ATP10D: variants seen among roughly 807,000 people sequenced by gnomAD.
The protein encoded by ATP10D is ATPase phospholipid transporting 10D (putative).
In ATP10D, 89 loss-of-function variants were observed where a neutral mutation model predicts 144.8. The ratio of observed to expected loss-of-function variants is 0.61; its 90% CI spans 0.52 to 0.73. ATP10D has a LOEUF of 0.73. Ranked by LOEUF, ATP10D falls within the 30% of genes least tolerant of loss-of-function variation. The probability of loss-of-function intolerance (pLI) is 0.00; values close to 1 mark genes in which losing one functional copy is unlikely to be tolerated. For missense variants in ATP10D, 1,603 were observed against 1,714.8 expected (o/e 0.93, Z 1.15); for synonymous variants, 571 against 615.1 (o/e 0.93, Z 1.06).
chr4:47,581,434 T>A (rs1720509410), intron 20 of ATP10D, among the ~76,000 whole-genome samples: 1 of 152,200 alleles, frequency 6.6e-6, no homozygotes, highest in Admixed American at 6.5e-5. Flanking sequence ...TCAAATAAAA[T>A]CATTTGAATT....
intron 18 of ATP10D, among the ~76,000 whole-genome samples, chr4:47,575,924 C>CTT (rs564960460): frequency 0.034 from 2,806 of 82,164 alleles, 81 homozygotes; most frequent in African/African-American, 0.085. Context: ...ACTGGGGTCC[C>CTT]TTTTTTTTTT....
At chr4:47,539,300 G>A (rs1451604362) in intron 9 of ATP10D, among the ~76,000 whole-genome samples, 1 of 152,102 alleles carries the variant, frequency 6.6e-6, no homozygotes, top group Non-Finnish European at 1.5e-5. Flanking sequence ...GTGAGTGTAA[G>A]GGGTAAAATG....
chr4:47,590,212 T>A (rs1263890127), intron 22 of ATP10D, among the ~76,000 whole-genome samples: 1 of 152,144 alleles, frequency 6.6e-6, no homozygotes, highest in African/African-American at 2.4e-5. Context: ...AGGAGGTTTC[T>A]AAGCAAAGTG....
In ATP10D at chr4:47,535,504, T is replaced by C. The variant is rs201379176; in HGVS notation, c.777-5T>C. ...AAGTGAATTTATATGCTGTCTTTCT[T>C]ATAGAGAACATTCCAACAAAGAACG... On this transcript the variant is annotated splice_region_variant and splice_polypyrimidine_tract_variant and intron_variant, in intron 5 of 22. Coordinates refer to ENST00000273859, the MANE Select transcript of ATP10D (RefSeq NM_020453.4). The C allele has an allele frequency of 3.9e-5, 62 of 1,605,384 alleles. No individual in the cohort carries two copies. In the East Asian group the frequency reaches 1.3e-3, roughly 33 times the overall value.
At position 47,561,009 on chromosome 4, in the gene ATP10D, A is replaced by G. The variant is rs750571239; in HGVS notation, c.2602A>G (p.Ile868Val). 3 of 1,614,146 alleles carry G rather than the reference A, an allele frequency of 1.9e-6. No homozygotes were observed. In the South Asian group the frequency reaches 3.3e-5, roughly 18 times the overall value. The change falls in exon 14 of 23, where the codon ATT becomes GTT. Residue 868 changes from isoleucine (I) to valine (V), a missense_variant. By Grantham distance (29) the Ile-to-Val change is conservative. Transcript: ENST00000273859. ...GAATCATTTTTTAGCTGAAACCAGC[A>G]TTGACAACAGGGAAGAATTACTACT... ...LRNHFLAETS[I>V]DNREELLLES...
chr4:47,502,469 C>CACA (rs1715748904), intron 1 of ATP10D, among the ~76,000 whole-genome samples: 1 of 129,238 alleles, frequency 7.7e-6, no homozygotes, highest in South Asian at 2.4e-4. Context: ...GACTACGTCT[C>CACA]ATAAAAAAAA....
chr4:47,557,977 C>T lies in ATP10D; in HGVS notation c.2138C>T (p.Pro713Leu). Residue 713 changes from proline to leucine, a missense_variant, in exon 12 of 23, where the codon CCT becomes CTT. Coordinates refer to ENST00000273859, the MANE Select transcript of ATP10D (RefSeq NM_020453.4). ...GLLNGKAESL[P>L]GQPLACNLCY... is the part of the protein sequence containing the mutation. ...CTGAATGGCAAGGCAGAGTCCCTCC[C>T]TGGACAGCCATTGGCCTGCAACCTG... is the stretch of plus-strand genomic sequence containing the variant. The T allele has an allele frequency of 1.2e-6, 2 of 1,614,134 alleles. No individual in the cohort carries two copies. Among genetic ancestry groups the T allele is most frequent in the Non-Finnish European group, 1.7e-6 (2 of 1,179,972 alleles).
intron 5 of ATP10D, among the ~76,000 whole-genome samples, chr4:47,528,899 G>A (rs1283968178): frequency 1.3e-5 from 2 of 152,048 alleles, no homozygotes; most frequent in Admixed American, 6.5e-5. Flanking sequence ...GCATTTCTCT[G>A]ATGACTCGTG....
At chr4:47,563,160 G>A (rs1022219268) in intron 14 of ATP10D, among the ~76,000 whole-genome samples, 1 of 152,064 alleles carries the variant, frequency 6.6e-6, no homozygotes, top group Non-Finnish European at 1.5e-5. Context: ...TGAGAGCCCA[G>A]ATTTCACCCC....
At chr4:47,522,980 C>A in intron 3 of ATP10D, 32 bp from the exon 4 acceptor site, 3 of 1,380,664 alleles carry the variant, frequency 2.2e-6, no homozygotes, top group South Asian at 1.4e-5. Flanking sequence ...ACTTGATATT[C>A]TTTTTTTTTT....
At chr4:47,526,387 C>T (rs1315115774) in intron 5 of ATP10D, among the ~76,000 whole-genome samples, 1 of 152,160 alleles carries the variant, frequency 6.6e-6, no homozygotes, top group African/African-American at 2.4e-5. Flanking sequence ...AACTTTCATT[C>T]CTGCAAACTA....
chr4:47,549,919 G>A (rs1424535577), intron 10 of ATP10D, among the ~76,000 whole-genome samples: 1 of 151,588 alleles, frequency 6.6e-6, no homozygotes, highest in African/African-American at 2.4e-5. Context: ...TGTGCAGGAG[G>A]AATTGTCAGC....
At chr4:47,496,156 C>CTTTTTTTTTTTTTTTT (rs5858072) in intron 1 of ATP10D, among the ~76,000 whole-genome samples, 1 of 132,888 alleles carries the variant, frequency 7.5e-6, no homozygotes, top group Non-Finnish European at 1.6e-5. Context: ...TTTCCTTTTT[C>CTTTTTTTTTTTTTTTT]TTTTTTTTTT....
chr4:47,509,182 T>C (rs1716179697), intron 1 of ATP10D, among the ~76,000 whole-genome samples: 1 of 152,220 alleles, frequency 6.6e-6, no homozygotes, highest in South Asian at 2.1e-4. Context: ...ACCATAAGAT[T>C]CTGTTTTCTT....
intron 1 of ATP10D, among the ~76,000 whole-genome samples, chr4:47,502,789 T>G (rs998873750): frequency 6.6e-6 from 1 of 151,830 alleles, no homozygotes; most frequent in Non-Finnish European, 1.5e-5. Flanking sequence ...ACAGTAAGAA[T>G]GGGTAACTAG....
chr4:47,521,457 C>T lies in ATP10D; in HGVS notation c.486-1555C>T, dbSNP rs144666207. Reference sequence around the variant, plus strand: ...CATCTTTTATGTATCTGTGTCGCTACTGCCTTAATTCTGACCATCTTCATT... The same window carrying T: ...CATCTTTTATGTATCTGTGTCGCTATTGCCTTAATTCTGACCATCTTCATT... On this transcript the variant is annotated intron_variant, in intron 3 of 22. Coordinates refer to ENST00000273859, the MANE Select transcript of ATP10D (RefSeq NM_020453.4). Among the ~76,000 whole-genome samples the T allele has an allele frequency of 2.6e-5, 4 of 152,276 alleles. No individual in the cohort carries two copies. The East Asian group carries it at 7.7e-4, about 29-fold the overall frequency.
intron 1 of ATP10D, among the ~76,000 whole-genome samples, chr4:47,502,380 G>T (rs554759446): frequency 3.3e-5 from 5 of 151,986 alleles, no homozygotes; most frequent in Admixed American, 3.3e-4. Context: ...TGAGGCAGGA[G>T]AATGGCGTGA....
intron 1 of ATP10D, among the ~76,000 whole-genome samples, chr4:47,491,825 A>G (rs528976287): frequency 1.3e-5 from 2 of 152,076 alleles, no homozygotes; most frequent in Admixed American, 6.5e-5. Flanking sequence ...CTTCCTTTCT[A>G]TCCTCTGACC....
intron 5 of ATP10D, 117 bp from the exon 6 acceptor site, chr4:47,535,392 C>T: frequency 1.4e-6 from 1 of 711,434 alleles, no homozygotes. Flanking sequence ...GATTTGAAAA[C>T]TTTCTTGTGA....
Sources: allele counts gnomAD v4.1 joint callset (sites outside exome capture counted in the v4.1 genomes callset), GRCh38; gene constraint gnomAD v4.1.1; transcripts MANE v1.5; gene names NCBI Gene and HGNC (gene_info 2026-07-23, HGNC 2026-07-21).